RNLS: variants seen among roughly 807,000 people sequenced by gnomAD.
The protein encoded by RNLS is renalase, FAD dependent amine oxidase, also known as renalase.
RNLS carries 39 observed loss-of-function variants against 39.8 expected under a neutral mutation model. That is an observed-to-expected ratio of 0.98 (90% CI 0.76 to 1.28). RNLS has a LOEUF of 1.28. RNLS is among the 50% of genes most tolerant of loss of function. RNLS has a pLI of 0.00. For missense variants in RNLS, 410 were observed against 413.3 expected, an observed-to-expected ratio of 0.99 and a Z score of 0.07; for synonymous variants, 147 against 150.7, an observed-to-expected ratio of 0.98 and a Z score of 0.18.
chr10:88,380,046 A>G (rs563962377), intron 4 of RNLS, among the ~76,000 whole-genome samples: 50 of 152,206 alleles, frequency 3.3e-4, no homozygotes, highest in Non-Finnish European at 6.0e-4. Context: ...AGTTCTTGGC[A>G]TAATATAATG....
At chr10:88,582,122 T>C in intron 2 of RNLS, 80 bp downstream of exon 2, 1 of 1,099,650 alleles carries the variant, frequency 9.1e-7, no homozygotes. Flanking sequence ...GTTCCATTTA[T>C]CAGCTAATCT....
chr10:88,390,864 A>T (rs559852620), intron 4 of RNLS, among the ~76,000 whole-genome samples: 4 of 152,320 alleles, frequency 2.6e-5, no homozygotes, highest in South Asian at 2.1e-4. Context: ...GTAGATTTTT[A>T]AAAAATCTGT....
At chr10:88,185,895 T>G in the RNLS span, among the ~76,000 whole-genome samples, 1 of 152,188 alleles carries the variant, frequency 6.6e-6, no homozygotes, top group South Asian at 2.1e-4. Flanking sequence ...CACCTCCTAG[T>G]CTTGATTTTA....
At chr10:88,535,979 A>C (rs1253161119) in intron 4 of RNLS, among the ~76,000 whole-genome samples, 1 of 152,208 alleles carries the variant, frequency 6.6e-6, no homozygotes, top group Non-Finnish European at 1.5e-5. Flanking sequence ...CCATCTCAGT[A>C]AAATAAAATA....
At chr10:88,446,316 T>C (rs2133872834) in intron 4 of RNLS, among the ~76,000 whole-genome samples, 1 of 151,866 alleles carries the variant, frequency 6.6e-6, no homozygotes, top group African/African-American at 2.4e-5. Flanking sequence ...TTTAAATCAG[T>C]GTGTAGAGGG....
At chr10:88,379,315 C>CT (rs1406702120) in intron 4 of RNLS, among the ~76,000 whole-genome samples, 2 of 152,112 alleles carry the variant, frequency 1.3e-5, no homozygotes, top group Non-Finnish European at 2.9e-5. Context: ...AAAATAAATA[C>CT]TTTTTTCACA....
intron 4 of RNLS, among the ~76,000 whole-genome samples, chr10:88,564,622 T>C (rs1254890247): frequency 6.6e-6 from 1 of 152,168 alleles, no homozygotes; most frequent in East Asian, 1.9e-4. Flanking sequence ...GTCATTTTAC[T>C]GAGGTTCACA....
the RNLS span, among the ~76,000 whole-genome samples, chr10:88,173,194 A>T: frequency 6.6e-6 from 1 of 151,922 alleles, no homozygotes; most frequent in Non-Finnish European, 1.5e-5. Context: ...ATAGAAATCT[A>T]ATTTCACTGA....
the RNLS span, among the ~76,000 whole-genome samples, chr10:88,236,791 T>G: frequency 1.3e-5 from 2 of 152,198 alleles, no homozygotes; most frequent in Admixed American, 6.5e-5. Context: ...AGATGATGCC[T>G]GCAGAGTCTA....
chr10:88,288,850 TG>T (rs1843468350), intron 6 of RNLS, among the ~76,000 whole-genome samples: 4 of 152,162 alleles, frequency 2.6e-5, no homozygotes, highest in Admixed American at 1.3e-4. Flanking sequence ...ACATGGAGCA[TG>T]TATTGGCAAG....
chr10:88,276,693 T>G (rs931207177), intron 6 of RNLS, among the ~76,000 whole-genome samples: 1 of 152,170 alleles, frequency 6.6e-6, no homozygotes, highest in Non-Finnish European at 1.5e-5. Flanking sequence ...CAGATGAAAG[T>G]GCCATTTTGC....
chr10:88,553,693 G>A (rs527814722), intron 4 of RNLS, among the ~76,000 whole-genome samples: 25 of 152,024 alleles, frequency 1.6e-4, no homozygotes, highest in South Asian at 2.1e-4. Context: ...TATGAATTTC[G>A]TAACATTCCG....
intron 4 of RNLS, among the ~76,000 whole-genome samples, chr10:88,461,672 A>C (rs978691922): frequency 4.6e-5 from 7 of 152,222 alleles, no homozygotes; most frequent in African/African-American, 9.6e-5. Flanking sequence ...TGGACCCTTC[A>C]ATCAAGATCT....
At chr10:88,210,769 T>A in the RNLS span, among the ~76,000 whole-genome samples, 1 of 152,150 alleles carries the variant, frequency 6.6e-6, no homozygotes, top group South Asian at 2.1e-4. Context: ...TGAATCTTCA[T>A]TGTTCTGCGT....
chr10:88,362,960 G>A lies in RNLS; in HGVS notation c.527-235C>T, dbSNP rs576808934. Among the ~76,000 whole-genome samples, 110 of 152,216 alleles carry A rather than the reference G, an allele frequency of 7.2e-4. No homozygotes were observed. In the South Asian group the frequency reaches 0.011, roughly 16 times the overall value. ...GAAGGTCCACATTCTTTGGAATGGCGTTCAAGGTTCTCAAAATCTGGCTCC... is the reference window on the plus strand; with the variant it reads ...GAAGGTCCACATTCTTTGGAATGGCATTCAAGGTTCTCAAAATCTGGCTCC... On this transcript the variant is annotated intron_variant, in intron 4 of 6. Transcript: ENST00000331772.
intron 3 of RNLS, among the ~76,000 whole-genome samples, chr10:88,575,817 T>C (rs1292061740): frequency 2.0e-5 from 3 of 152,036 alleles, no homozygotes; most frequent in Admixed American, 2.0e-4. Context: ...GAGTATAAAA[T>C]CTTTAACATT....
At chr10:88,278,167 C>T (rs1032853826) in intron 6 of RNLS, among the ~76,000 whole-genome samples, 4 of 152,078 alleles carry the variant, frequency 2.6e-5, no homozygotes, top group Admixed American at 2.0e-4. Context: ...GGTTAGAGTG[C>T]TGTTCAGCCA....
intron 4 of RNLS, among the ~76,000 whole-genome samples, chr10:88,514,379 G>A (rs889520255): frequency 6.6e-6 from 1 of 152,066 alleles, no homozygotes; most frequent in Non-Finnish European, 1.5e-5. Flanking sequence ...GACACATGGG[G>A]ATTATGGGGA....
At chr10:88,177,476 C>T in the RNLS span, among the ~76,000 whole-genome samples, 2 of 152,100 alleles carry the variant, frequency 1.3e-5, no homozygotes, top group African/African-American at 2.4e-5. Flanking sequence ...TTATTCAGAC[C>T]ATGAATTGTT....
Sources: allele counts gnomAD v4.1 joint callset (sites outside exome capture counted in the v4.1 genomes callset), GRCh38; gene constraint gnomAD v4.1.1; transcripts MANE v1.5; gene names NCBI Gene and HGNC (gene_info 2026-07-23, HGNC 2026-07-21).